The following INTS7 variants were observed in gnomAD, a reference collection of about 807,000 sequenced individuals.
The protein encoded by INTS7 is chromosome 1 open reading frame 73.
Under a neutral mutation model 109.2 loss-of-function variants are expected in INTS7, and 46 were observed. The observed-to-expected ratio is 0.42, with a 90% CI of 0.33 to 0.54. The LOEUF (loss-of-function observed/expected upper bound fraction) is 0.54, where lower values mean the gene tolerates loss of function less well. INTS7 is among the 20% of genes least tolerant of loss of function. INTS7 has a pLI of 0.07. For missense variants in INTS7, 929 were observed against 1,132.4 expected (o/e 0.82, Z 2.58); for synonymous variants, 412 against 402.9 (o/e 1.02, Z -0.27).
intron 9 of INTS7, 76 bp from the exon 10 acceptor site, chr1:211,981,266 A>G: frequency 1.2e-6 from 1 of 841,414 alleles, no homozygotes; most frequent in Non-Finnish European, 2.0e-6. Flanking sequence ...ATGCATACAC[A>G]CTCTCTTAGA....
At chr1:212,002,854 C>T (rs1665734245) in intron 7 of INTS7, among the ~76,000 whole-genome samples, 1 of 152,162 alleles carries the variant, frequency 6.6e-6, no homozygotes, top group African/African-American at 2.4e-5. Flanking sequence ...AAAGAATTCC[C>T]ACACATACTT....
At chr1:211,986,544 T>C (rs931843617) in intron 8 of INTS7, among the ~76,000 whole-genome samples, 1 of 152,172 alleles carries the variant, frequency 6.6e-6, no homozygotes, top group South Asian at 2.1e-4. Flanking sequence ...AGACCATGCA[T>C]GGAATTAGTC....
At chr1:211,996,079 T>C (rs1665371847) in intron 7 of INTS7, among the ~76,000 whole-genome samples, 2 of 152,198 alleles carry the variant, frequency 1.3e-5, no homozygotes, top group Non-Finnish European at 2.9e-5. Flanking sequence ...AGATATAGTA[T>C]ACCTAAGTAA....
At chr1:211,960,806 A>C (rs1663590579) in intron 16 of INTS7, among the ~76,000 whole-genome samples, 2 of 152,182 alleles carry the variant, frequency 1.3e-5, no homozygotes, top group Non-Finnish European at 2.9e-5. Context: ...TGAAGTCAGG[A>C]GTTTGAGACA....
intron 4 of INTS7, among the ~76,000 whole-genome samples, chr1:212,015,710 T>TAAAAAAAAAA (rs58204818): frequency 4.0e-4 from 14 of 34,982 alleles, no homozygotes; most frequent in African/African-American, 4.7e-4. Context: ...CAATAAATAC[T>TAAAAAAAAAA]AAAAAAAAAA....
chr1:212,006,744 C>T lies in INTS7; in HGVS notation c.774G>A (p.Gln258=), dbSNP rs766911931. ...CCTTCCTGGGATCATTCTTCAAATA[C>T]TGCAACAGAAGCTGAATCTATAAAG... ...DTPKQIQLLL[Q]YLKNDPRKAV... The change falls in exon 7 of 20, where the codon CAG becomes CAA. Residue 258 remains glutamine (Q), a synonymous_variant. Transcript: ENST00000366994. The T allele has an allele frequency of 6.2e-7, 1 of 1,603,454 alleles. No individual in the cohort carries two copies. The highest frequency in any genetic ancestry group is 8.5e-7 in the Non-Finnish European group (1 of 1,173,662).
At chr1:211,954,648 T>C (rs1663278912) in intron 16 of INTS7, among the ~76,000 whole-genome samples, 1 of 152,244 alleles carries the variant, frequency 6.6e-6, no homozygotes, top group Non-Finnish European at 1.5e-5. Context: ...ATTTATTAAA[T>C]AGGGAATCCT....
At chr1:211,968,078 C>T in intron 14 of INTS7, 97 bp from the exon 15 acceptor site, 2 of 600,498 alleles carry the variant, frequency 3.3e-6, no homozygotes, top group South Asian at 2.4e-5. Flanking sequence ...CAAACAATAA[C>T]AATTCAAAAA....
At position 211,989,690 on chromosome 1, in the gene INTS7, T is replaced by C. The variant is rs574823420; in HGVS notation, c.880-1687A>G. Among the ~76,000 whole-genome samples, 3 of 151,880 alleles carry C rather than the reference T, an allele frequency of 2.0e-5. No homozygotes were observed. The South Asian group carries it at 6.2e-4, about 32-fold the overall frequency. On this transcript the variant is annotated intron_variant, in intron 7 of 19. Coordinates refer to ENST00000366994, the MANE Select transcript of INTS7 (RefSeq NM_015434.4). The stretch of plus-strand genomic sequence containing the variant: ...CACAAAAATCAGCCGGGTGTGGTGG[T>C]GCACACCTGTAGTACCAGCTACTCA...
intron 16 of INTS7, among the ~76,000 whole-genome samples, chr1:211,962,260 T>TAAAAAA (rs35134976): frequency 1.6e-3 from 126 of 79,296 alleles, no homozygotes; most frequent in East Asian, 5.0e-3. Flanking sequence ...CAACAAAGAT[T>TAAAAAA]AAAAAAAAAA....
chr1:211,963,101 T>C (rs1663715844), intron 16 of INTS7, among the ~76,000 whole-genome samples: 1 of 152,052 alleles, frequency 6.6e-6, no homozygotes, highest in Non-Finnish European at 1.5e-5. Context: ...AAAAAATTAG[T>C]ATCTATTTGA....
intron 16 of INTS7, among the ~76,000 whole-genome samples, chr1:211,965,185 T>TAA (rs199649794): frequency 2.9e-5 from 4 of 137,224 alleles, no homozygotes; most frequent in Non-Finnish European, 4.8e-5. Flanking sequence ...AACAAGCACA[T>TAA]AAAAAAAAAA....
At chr1:211,986,575 T>C (rs1477832348) in intron 8 of INTS7, among the ~76,000 whole-genome samples, 6 of 152,136 alleles carry the variant, frequency 3.9e-5, no homozygotes, top group African/African-American at 1.4e-4. Context: ...ACAGCAGCCA[T>C]TGTTACTGAT....
rs17018249 is a variant in INTS7, at chr1:211,942,891, G to A, written c.2602-780C>T. On this transcript the variant is annotated intron_variant, in intron 19 of 19. Transcript: ENST00000366994. This position sits in a 1 kb window ranked among gnomAD's most constrained non-coding sequence, Gnocchi z 4.2. ...GAATGCAAATAAAGGTGATCTTAAT[G>A]TGTATTTGACCAAATTACTCTAGGT... 0.02 allele frequency among the ~76,000 whole-genome samples: 3,058 copies of A among 152,246 alleles called. 31 individuals carry two copies. Among genetic ancestry groups the A allele is most frequent in the African/African-American group, 0.026 (1,067 of 41,548 alleles).
intron 1 of INTS7, among the ~76,000 whole-genome samples, chr1:212,035,015 A>T (rs1188620270): frequency 6.6e-6 from 1 of 152,212 alleles, no homozygotes; most frequent in African/African-American, 2.4e-5. Context: ...ACTGAAAACC[A>T]ATTTCACAAT....
chr1:211,989,597 G>A (rs1665056145), intron 7 of INTS7, among the ~76,000 whole-genome samples: 1 of 152,008 alleles, frequency 6.6e-6, no homozygotes, highest in African/African-American at 2.4e-5. Flanking sequence ...CGAGGCAGGA[G>A]GATCGCCTGA....
At position 211,987,887 on chromosome 1, in the gene INTS7, T is replaced by C; in HGVS notation, c.996A>G (p.Pro332=). 8.5e-6 allele frequency: 13 copies of C among 1,523,748 alleles called. No individual in the cohort carries two copies. Among genetic ancestry groups the C allele is most frequent in the Non-Finnish European group, 1.2e-5 (13 of 1,101,622 alleles). 94.4% of individuals were successfully genotyped at this position (1,523,748 alleles called of 1,614,324 possible). ...TGGTATCTCCTGTCTTTTCCTTACC[T>C]GGAACTATACTGAAGTAATGTTTGA... ...IAIKHYFSIV[P]GNVSSSPRSS... The change falls in exon 8 of 20, where the codon CCA becomes CCG. Residue 332 remains proline, a splice_region_variant and synonymous_variant. Transcript: ENST00000366994.
chr1:212,021,348 C>T, intron 1 of INTS7, 136 bp from the exon 2 acceptor site: 2 of 662,560 alleles, frequency 3.0e-6, no homozygotes, highest in Non-Finnish European at 4.7e-6. Context: ...TAATTCATTA[C>T]CCTTTTAAAA....
chr1:212,002,316 C>T (rs1031813125), intron 7 of INTS7, among the ~76,000 whole-genome samples: 31 of 152,240 alleles, frequency 2.0e-4, no homozygotes, highest in African/African-American at 7.2e-4. Flanking sequence ...CTCCCGGCTT[C>T]TGCCTTTGGG....
Sources: gnomAD v4.1 joint callset for allele counts (sites outside exome capture counted in the v4.1 genomes callset) on GRCh38, gnomAD v4.1.1 for gene constraint, Gnocchi (gnomAD v3.1) non-coding constraint, MANE v1.5 for transcripts, NCBI Gene and HGNC (gene_info 2026-07-23, HGNC 2026-07-21) for gene names.